The following LY6S variants were observed in gnomAD, a reference collection of about 807,000 sequenced individuals.
LY6S encodes the protein lymphocyte antigen 6S.
the LY6S span, among the ~76,000 whole-genome samples, chr8:143,061,372 TCAACA>T: frequency 2.6e-4 from 39 of 152,158 alleles, no homozygotes; most frequent in African/African-American, 9.2e-4. Flanking sequence ...GATAAAAGGG[TCAACA>T]CAACACGACA....
chr8:143,076,312 T>C, the LY6S span, among the ~76,000 whole-genome samples: 1 of 152,114 alleles, frequency 6.6e-6, no homozygotes, highest in Admixed American at 6.5e-5. Context: ...CCCAATTCTC[T>C]CAGCACCCCC....
At chr8:143,066,589 T>G in the LY6S span, 1 of 288,674 alleles carries the variant, frequency 3.5e-6, no homozygotes, top group African/African-American at 2.2e-5. Context: ...CTTTGTCATC[T>G]TGGAGGCATA....
At chr8:143,070,492 T>A in the LY6S span, among the ~76,000 whole-genome samples, 1,421 of 103,834 alleles carry the variant, frequency 0.014, 51 homozygotes, top group South Asian at 0.028. Flanking sequence ...TATATATATT[T>A]TTTTTTTTTT....
At chr8:143,067,517 G>A in the LY6S span, among the ~76,000 whole-genome samples, 1 of 152,216 alleles carries the variant, frequency 6.6e-6, no homozygotes, top group African/African-American at 2.4e-5. Context: ...GTGGAGATAA[G>A]AGACTGAGAA....
At chr8:143,069,552 T>C in the LY6S span, among the ~76,000 whole-genome samples, 13 of 152,320 alleles carry the variant, frequency 8.5e-5, no homozygotes, top group African/African-American at 3.1e-4. Context: ...CCGGCCATAG[T>C]TGCGATGATG....
At chr8:143,044,055 G>A in the LY6S span, 2 of 444,710 alleles carry the variant, frequency 4.5e-6, no homozygotes. Flanking sequence ...AGGGTGCTGA[G>A]GGTGCTGAGG....
the LY6S span, chr8:143,057,051 C>A: frequency 3.8e-6 from 1 of 265,100 alleles, no homozygotes; most frequent in Admixed American, 3.9e-5. Flanking sequence ...TAGTTACACA[C>A]ATTTCTCCTC....
chr8:143,063,834 C>T, the LY6S span, among the ~76,000 whole-genome samples: 340 of 152,316 alleles, frequency 2.2e-3, no homozygotes, highest in African/African-American at 7.8e-3. Flanking sequence ...TCCAGTAACA[C>T]CTGCACCTGG....
chr8:143,071,199 T>C, the LY6S span, among the ~76,000 whole-genome samples: 7 of 59,994 alleles, frequency 1.2e-4, no homozygotes, highest in African/African-American at 6.1e-4. Context: ...CCCGGCAGCA[T>C]GGATGTTGGG....
the LY6S span, among the ~76,000 whole-genome samples, chr8:143,058,458 T>C: frequency 0.054 from 8,113 of 150,024 alleles, 701 homozygotes; most frequent in African/African-American, 0.19. Context: ...CAGAGAAAGA[T>C]AGCTTATGCC....
chr8:143,057,773 T>G, the LY6S span: 2 of 784,288 alleles, frequency 2.6e-6, no homozygotes, highest in Non-Finnish European at 4.7e-6. Flanking sequence ...ATCTAGGGCT[T>G]CTGCCTGTGG....
the LY6S span, among the ~76,000 whole-genome samples, chr8:143,052,079 A>G: frequency 6.6e-6 from 1 of 152,074 alleles, no homozygotes; most frequent in African/African-American, 2.4e-5. Flanking sequence ...CAGGAGATGG[A>G]GACCATCCTG....
the LY6S span, among the ~76,000 whole-genome samples, chr8:143,064,048 T>G: frequency 1.3e-5 from 2 of 152,206 alleles, no homozygotes; most frequent in Non-Finnish European, 2.9e-5. Context: ...ACAGGGCTCA[T>G]GAAAGGGCTT....
the LY6S span, among the ~76,000 whole-genome samples, chr8:143,051,002 A>G: frequency 6.6e-6 from 1 of 152,246 alleles, no homozygotes. Flanking sequence ...ACATTTGGAA[A>G]GAACAGGTCT....
chr8:143,046,393 T>C, the LY6S span, among the ~76,000 whole-genome samples: 11 of 151,708 alleles, frequency 7.3e-5, no homozygotes, highest in East Asian at 3.9e-4. Flanking sequence ...CTGCCTAACA[T>C]AGTGAAACCC....
At chr8:143,069,790 G>C in the LY6S span, among the ~76,000 whole-genome samples, 1 of 152,148 alleles carries the variant, frequency 6.6e-6, no homozygotes, top group Admixed American at 6.5e-5. Context: ...CCCTGCTCTT[G>C]TTAATCAGAC....
the LY6S span, chr8:143,049,123 G>A: frequency 1.9e-6 from 1 of 532,814 alleles, no homozygotes; most frequent in South Asian, 1.4e-5. Context: ...GGGTTCAAGG[G>A]GATGTCCCAC....
At chr8:143,072,226 G>A in the LY6S span, among the ~76,000 whole-genome samples, 16,309 of 131,068 alleles carry the variant, frequency 0.12, 1,602 homozygotes, top group African/African-American at 0.26. Flanking sequence ...CCTGTTTGAG[G>A]AGACAGCCGT....
At chr8:143,057,610 A>T in the LY6S span, 1 of 1,288,244 alleles carries the variant, frequency 7.8e-7, no homozygotes, top group Non-Finnish European at 1.1e-6. Context: ...GAGGGTCCCC[A>T]GTCAGGTCAT....
Sources: allele counts gnomAD v4.1 joint callset (sites outside exome capture counted in the v4.1 genomes callset), GRCh38; gene constraint gnomAD v4.1.1; transcripts MANE v1.5; gene names NCBI Gene and HGNC (gene_info 2026-07-23, HGNC 2026-07-21).